The following ACP6 variants were observed in gnomAD, a reference collection of about 807,000 sequenced individuals.
ACP6 encodes acid phosphatase 6, lysophosphatidic.
ACP6 carries 48 observed loss-of-function variants against 48.1 expected under a neutral mutation model. The observed-to-expected ratio is 1.00, with a 90% CI of 0.79 to 1.27. The LOEUF is 1.27. Ranked by LOEUF, ACP6 falls within the 50% of genes most tolerant of loss-of-function variation. The probability of loss-of-function intolerance (pLI) is 0.00; values close to 1 mark genes in which losing one functional copy is unlikely to be tolerated. For synonymous variants in ACP6, 172 were observed against 204.2 expected (o/e 0.84, Z 1.34); for missense variants, 485 against 529.1 (o/e 0.92, Z 0.82).
At chr1:147,659,147 A>G in intron 3 of ACP6, 108 bp from the exon 4 acceptor site, 1 of 1,151,138 alleles carries the variant, frequency 8.7e-7, no homozygotes, top group Non-Finnish European at 1.2e-6. Flanking sequence ...ACATAAGGAG[A>G]GCTATGGAAC....
chr1:147,645,529 T>C lies in ACP6; in HGVS notation c.*1894A>G, dbSNP rs1659590440. On this transcript the variant is annotated 3_prime_UTR_variant, in exon 10 of 10. Coordinates refer to ENST00000583509, the MANE Select transcript of ACP6 (RefSeq NM_016361.5). ...ATTCAGCAGGAACAAAGTCGAGAAA[T>C]TGGAGGAAAACCAAGAAAGCATTTG... 6.6e-6 allele frequency: 1 copy of C among 152,188 alleles called. No homozygotes were observed. Among genetic ancestry groups the C allele is most frequent in the African/African-American group, 2.4e-5 (1 of 41,434 alleles). 9.4% of individuals were successfully genotyped at this position (152,188 alleles called of 1,614,324 possible). A position where few individuals can be genotyped will look rare whatever the true frequency, so the allele number is the denominator to read the frequency against.
At chr1:147,662,329 G>T (rs1553212928) in intron 1 of ACP6, among the ~76,000 whole-genome samples, 2 of 152,134 alleles carry the variant, frequency 1.3e-5, no homozygotes, top group Non-Finnish European at 1.5e-5. Flanking sequence ...ATTTTGTAAG[G>T]CTATTGTTGC....
At chr1:147,663,517 C>T (rs1406136849) in intron 1 of ACP6, among the ~76,000 whole-genome samples, 1 of 152,118 alleles carries the variant, frequency 6.6e-6, no homozygotes, top group Non-Finnish European at 1.5e-5. Flanking sequence ...CCTTCAAGAA[C>T]TTCTACATCG....
chr1:147,664,157 G>A (rs1358681428), intron 1 of ACP6, among the ~76,000 whole-genome samples: 3 of 152,064 alleles, frequency 2.0e-5, no homozygotes, highest in Admixed American at 1.3e-4. Context: ...ACACATCAGA[G>A]GACCAGGTGT....
At chr1:147,638,845 A>G (rs1199164151), downstream of ACP6, among the ~76,000 whole-genome samples, 1 of 152,052 alleles carries the variant, frequency 6.6e-6, no homozygotes, top group Non-Finnish European at 1.5e-5. Flanking sequence ...AGAAAAATAC[A>G]CTGGTTTTTG....
At chr1:147,648,065 T>C in intron 9 of ACP6, 181 bp downstream of exon 9, 1 of 644,462 alleles carries the variant, frequency 1.6e-6, no homozygotes. Flanking sequence ...CCTGCCACCA[T>C]CTGTCAAGTT....
At chr1:147,652,812 G>A (rs1420541727) in intron 6 of ACP6, among the ~76,000 whole-genome samples, 1 of 118,206 alleles carries the variant, frequency 8.5e-6, no homozygotes, top group Admixed American at 9.2e-5. Context: ...ACTCAAAAAT[G>A]AAAAGCATTT....
At chr1:147,640,968 C>T (rs1370766873), downstream of ACP6, among the ~76,000 whole-genome samples, 2 of 152,054 alleles carry the variant, frequency 1.3e-5, no homozygotes, top group Non-Finnish European at 2.9e-5. Context: ...GCCATCTCCC[C>T]GGGGAATTCC....
At chr1:147,636,244 T>TA (rs1212625345) in intron 5 of ACP6, among the ~76,000 whole-genome samples, 3 of 152,010 alleles carry the variant, frequency 2.0e-5, no homozygotes, top group African/African-American at 7.3e-5. Context: ...ATAGGATGGT[T>TA]AGATAGAAGA....
At chr1:147,648,770 A>G (rs1310446651) in intron 8 of ACP6, among the ~76,000 whole-genome samples, 2 of 152,116 alleles carry the variant, frequency 1.3e-5, no homozygotes, top group African/African-American at 2.4e-5. Context: ...ACTCTCAGCC[A>G]TGGGATGAGT....
chr1:147,663,235 G>C (rs587666649), intron 1 of ACP6, among the ~76,000 whole-genome samples: 3 of 152,182 alleles, frequency 2.0e-5, no homozygotes, highest in South Asian at 2.1e-4. Context: ...TGTCTGTGTA[G>C]AATCTAAAGA....
Position 147,645,141 on chromosome 1 carries a change from A to ACC in ACP6, c.*2281_*2282insGG, listed in dbSNP as rs1341330436. On this transcript the variant is annotated 3_prime_UTR_variant, in exon 10 of 10. Transcript: ENST00000583509. The stretch of plus-strand genomic sequence containing the variant: ...TACAGGCACATTGTACTCCATAAAT[A>ACC]GACACATACAGCCTTCCGAGTAGCT... 1 of 151,852 alleles carries ACC rather than the reference A, an allele frequency of 6.6e-6. No individual in the cohort carries two copies. Among genetic ancestry groups the ACC allele is most frequent in the Non-Finnish European group, 1.5e-5 (1 of 67,960 alleles). 9.4% of individuals were successfully genotyped at this position (151,852 alleles called of 1,614,324 possible). A position where few individuals can be genotyped will look rare whatever the true frequency, so the allele number is the denominator to read the frequency against.
intron 8 of ACP6, 92 bp from the exon 9 acceptor site, chr1:147,648,503 T>A: frequency 6.9e-7 from 1 of 1,446,114 alleles, no homozygotes; most frequent in African/African-American, 1.4e-5. Context: ...CACACTTGCC[T>A]CAGAAACTAG....
chr1:147,664,031 G>A (rs2148915722), intron 1 of ACP6, among the ~76,000 whole-genome samples: 1 of 152,196 alleles, frequency 6.6e-6, no homozygotes, highest in South Asian at 2.1e-4. Context: ...AACTATCCCA[G>A]GAGAATGGTA....
intron 5 of ACP6, among the ~76,000 whole-genome samples, chr1:147,632,644 G>T (rs899701923): frequency 6.6e-6 from 1 of 151,912 alleles, no homozygotes; most frequent in African/African-American, 2.4e-5. Context: ...AGAATGAATA[G>T]CCCCAAAAGC....
At chr1:147,641,041 G>A (rs587601685), downstream of ACP6, among the ~76,000 whole-genome samples, 32 of 152,272 alleles carry the variant, frequency 2.1e-4, no homozygotes, top group African/African-American at 7.0e-4. Context: ...GCCCAAAGCC[G>A]AAGAATGATC....
Position 147,659,248 on chromosome 1 carries a change from A to G in ACP6, c.479+148T>C, listed in dbSNP as rs1660408114. 4 of 1,217,928 alleles carry G rather than the reference A, an allele frequency of 3.3e-6. No individual in the cohort carries two copies. In the South Asian group the frequency reaches 6.1e-5, roughly 19 times the overall value. 75.4% of individuals were successfully genotyped at this position (1,217,928 alleles called of 1,614,324 possible). On this transcript the variant is annotated intron_variant, in intron 3 of 9. Coordinates refer to ENST00000583509, the MANE Select transcript of ACP6 (RefSeq NM_016361.5). ...GACCTCCAGGAACGACCTGTTCACCAGATCCTGTGACATAAGGGTATGCAG... is the reference window on the plus strand; with the variant it reads ...GACCTCCAGGAACGACCTGTTCACCGGATCCTGTGACATAAGGGTATGCAG...
chr1:147,647,902 A>G, intron 9 of ACP6: 1 of 488,844 alleles, frequency 2.0e-6, no homozygotes, highest in Non-Finnish European at 3.7e-6. Flanking sequence ...TGCTAACAGC[A>G]GCACACATCA....
At chr1:147,647,910 T>A in intron 9 of ACP6, 1 of 483,392 alleles carries the variant, frequency 2.1e-6, no homozygotes, top group Admixed American at 3.7e-5. Flanking sequence ...GCAGCACACA[T>A]CACCTCCCAA....
Sources: allele counts gnomAD v4.1 joint callset (sites outside exome capture counted in the v4.1 genomes callset), GRCh38; gene constraint gnomAD v4.1.1; transcripts MANE v1.5; gene names NCBI Gene and HGNC (gene_info 2026-07-23, HGNC 2026-07-21).